Variants in FRMD5 observed in about 807,000 individuals in gnomAD.
FRMD5 encodes the protein FERM domain-containing protein 5.
A neutral mutation model predicts 69.0 loss-of-function variants in FRMD5; 20 were observed. The observed-to-expected ratio is 0.29, with a 90% CI of 0.20 to 0.42. The LOEUF (loss-of-function observed/expected upper bound fraction) is 0.42, where lower values mean the gene tolerates loss of function less well. Among genes scored for constraint, FRMD5 ranks in the 10% least tolerant of loss-of-function variants. The pLI is 1.00. For synonymous variants in FRMD5, 271 were observed against 260.1 expected (o/e 1.04, Z -0.40); for missense variants, 595 against 708.6 (o/e 0.84, Z 1.82).
At chr15:44,181,970 T>C (rs554507501) in intron 1 of FRMD5, among the ~76,000 whole-genome samples, 11 of 151,964 alleles carry the variant, frequency 7.2e-5, no homozygotes, top group Non-Finnish European at 1.3e-4. Context: ...GATGGGTTCA[T>C]TTTTTCACCT....
intron 1 of FRMD5, among the ~76,000 whole-genome samples, chr15:43,931,866 A>G (rs146192912): frequency 6.6e-6 from 1 of 152,214 alleles, no homozygotes; most frequent in East Asian, 1.9e-4. Flanking sequence ...CAACTCTCCT[A>G]TCAGGTTACT....
chr15:43,924,204 C>T lies in FRMD5; in HGVS notation c.207+1G>A. On this transcript the variant is annotated splice_donor_variant, in intron 2 of 13. Transcript: ENST00000417257. LOFTEE classifies it high-confidence loss of function. ...CTTTTGTGCTTTGAATATTGACTTA[C>T]CCGCTGCTTATCTGGGTCTACAAAG... is the stretch of plus-strand genomic sequence containing the variant. The T allele has an allele frequency of 6.2e-7, 1 of 1,607,730 alleles. No individual in the cohort carries two copies. The highest frequency in any genetic ancestry group is 8.5e-7 in the Non-Finnish European group (1 of 1,174,250).
chr15:43,951,357 A>G (rs1044291481), intron 1 of FRMD5, among the ~76,000 whole-genome samples: 8 of 151,238 alleles, frequency 5.3e-5, no homozygotes, highest in Admixed American at 3.3e-4. Flanking sequence ...AGGAGGCGGC[A>G]CTTGCAGTGA....
chr15:44,081,208 C>T (rs902948877), intron 1 of FRMD5, among the ~76,000 whole-genome samples: 2 of 152,102 alleles, frequency 1.3e-5, no homozygotes, highest in Non-Finnish European at 2.9e-5. Context: ...ATTCATTACA[C>T]TCCATAGCCC....
At chr15:43,923,546 A>C (rs1192964064) in intron 2 of FRMD5, among the ~76,000 whole-genome samples, 1 of 152,200 alleles carries the variant, frequency 6.6e-6, no homozygotes, top group Non-Finnish European at 1.5e-5. Flanking sequence ...AGGCTCTGTA[A>C]AGAAAGAAGG....
At chr15:44,130,601 T>A (rs1306727746) in intron 1 of FRMD5, among the ~76,000 whole-genome samples, 1 of 152,208 alleles carries the variant, frequency 6.6e-6, no homozygotes, top group Non-Finnish European at 1.5e-5. Flanking sequence ...AAAACCTGTT[T>A]AAGAATTTGT....
At chr15:44,170,245 C>T (rs2077777246) in intron 1 of FRMD5, among the ~76,000 whole-genome samples, 2 of 152,100 alleles carry the variant, frequency 1.3e-5, no homozygotes, top group South Asian at 4.1e-4. Flanking sequence ...TTTAATTAGG[C>T]CAGACATGGT....
chr15:44,013,116 C>T (rs1448425518), intron 1 of FRMD5, among the ~76,000 whole-genome samples: 1 of 152,158 alleles, frequency 6.6e-6, no homozygotes, highest in African/African-American at 2.4e-5. Context: ...ACATTGATTT[C>T]TGAAAGTCAA....
At position 43,873,200 on chromosome 15, in the gene FRMD5, G is replaced by C; in HGVS notation, c.*685C>G. ...CCCCTGATGCTGCTGTTGCTGTAGC[G>C]GTGGTCCCTTCAGATGCCCACTCTG... On this transcript the variant is annotated 3_prime_UTR_variant, in exon 14 of 14. Transcript: ENST00000417257. 1 of 1,550,418 alleles carries C rather than the reference G, an allele frequency of 6.4e-7. No homozygotes were observed.
intron 4 of FRMD5, among the ~76,000 whole-genome samples, chr15:43,913,113 T>C (rs1047685758): frequency 6.6e-6 from 1 of 151,780 alleles, no homozygotes; most frequent in African/African-American, 2.4e-5. Context: ...CAAGGGAACA[T>C]GATCCTGCTC....
chr15:44,097,320 G>C (rs891930624), intron 1 of FRMD5, among the ~76,000 whole-genome samples: 3 of 152,218 alleles, frequency 2.0e-5, no homozygotes, highest in African/African-American at 7.2e-5. Flanking sequence ...GAAAAATTCT[G>C]AAGTGCCTTT....
chr15:44,178,836 T>C (rs968307883), intron 1 of FRMD5, among the ~76,000 whole-genome samples: 1 of 151,930 alleles, frequency 6.6e-6, no homozygotes, highest in African/African-American at 2.4e-5. Context: ...CTACTAAAAA[T>C]ACAAAATTAG....
intron 4 of FRMD5, among the ~76,000 whole-genome samples, chr15:43,913,545 T>C (rs1245988476): frequency 6.6e-6 from 1 of 152,228 alleles, no homozygotes; most frequent in Non-Finnish European, 1.5e-5. Flanking sequence ...ACATGACTCA[T>C]AGCATCCTTA....
chr15:44,131,343 G>A lies in FRMD5; in HGVS notation c.102+63610C>T, dbSNP rs576234868. Among the ~76,000 whole-genome samples the A allele has an allele frequency of 8.6e-5, 13 of 152,030 alleles. No individual in the cohort carries two copies. In the South Asian group the frequency reaches 1.9e-3, roughly 22 times the overall value. On this transcript the variant is annotated intron_variant, in intron 1 of 13. Coordinates refer to ENST00000417257, the MANE Select transcript of FRMD5 (RefSeq NM_032892.5). ...TGGAGAAAATGGAACCCCTATAAAC[G>A]GTAGGAATGTAAAATGATACAGCCA... is the stretch of plus-strand genomic sequence containing the variant.
At chr15:44,000,459 ATT>A (rs758023840) in intron 1 of FRMD5, among the ~76,000 whole-genome samples, 2 of 138,476 alleles carry the variant, frequency 1.4e-5, no homozygotes, top group Admixed American at 7.2e-5. Flanking sequence ...TGGTAGTTCT[ATT>A]TTTTTTTTTT....
At chr15:44,185,794 A>T (rs1320873562) in intron 1 of FRMD5, among the ~76,000 whole-genome samples, 1 of 116,426 alleles carries the variant, frequency 8.6e-6, no homozygotes, top group African/African-American at 5.3e-5. Flanking sequence ...CTCTTATCTT[A>T]AAAAAAAAAA....
chr15:43,875,363 A>AAAAAATAT (rs1366807150), intron 13 of FRMD5, among the ~76,000 whole-genome samples: 3 of 105,348 alleles, frequency 2.8e-5, no homozygotes, highest in African/African-American at 8.1e-5. Context: ...AAAAAAAAAA[A>AAAAAATAT]ATATATATAT....
chr15:43,977,644 A>G (rs2090484528), intron 1 of FRMD5, among the ~76,000 whole-genome samples: 1 of 152,230 alleles, frequency 6.6e-6, no homozygotes, highest in Non-Finnish European at 1.5e-5. Context: ...AATTAAAGGG[A>G]GTGCCCAATG....
intron 1 of FRMD5, among the ~76,000 whole-genome samples, chr15:44,149,938 G>A (rs1273033893): frequency 6.6e-6 from 1 of 151,998 alleles, no homozygotes; most frequent in Non-Finnish European, 1.5e-5. Context: ...AAATTCAGCA[G>A]CATAGCAAAA....
Sources: gnomAD v4.1 joint callset for allele counts (sites outside exome capture counted in the v4.1 genomes callset) on GRCh38, gnomAD v4.1.1 for gene constraint, MANE v1.5 for transcripts, NCBI Gene and HGNC (gene_info 2026-07-23, HGNC 2026-07-21) for gene names.